The following PPP2R2C variants were observed in gnomAD, a reference collection of about 807,000 sequenced individuals.
PPP2R2C encodes the protein protein phosphatase 2 regulatory subunit Bgamma.
PPP2R2C carries 10 observed loss-of-function variants against 45.3 expected under a neutral mutation model. That is an observed-to-expected ratio of 0.22 (90% CI 0.14 to 0.37). The LOEUF is 0.37. Ranked by LOEUF, PPP2R2C falls within the 10% of genes least tolerant of loss-of-function variation. The pLI, the probability that PPP2R2C is intolerant of heterozygous loss-of-function variation, is 1.00. For missense variants in PPP2R2C, 308 were observed against 619.7 expected, an observed-to-expected ratio of 0.50 and a Z score of 5.34; for synonymous variants, 257 against 245.4, an observed-to-expected ratio of 1.05 and a Z score of -0.44.
intron 1 of PPP2R2C, among the ~76,000 whole-genome samples, chr4:6,399,398 C>A (rs1717265602): frequency 6.6e-6 from 1 of 152,240 alleles, no homozygotes; most frequent in Admixed American, 6.5e-5. Flanking sequence ...ACCACCCAAG[C>A]AATCGCATTA....
Position 6,378,352 on chromosome 4 carries a change from T to C in PPP2R2C, c.334+55A>G. ...TATAAGTGAAATACAAACCAGCATT[T>C]GGTAGAAACATCTACGGCCTGTGCC... On this transcript the variant is annotated intron_variant, in intron 3 of 8. Transcript: ENST00000382599. The surrounding 1 kb of genome is among the most constrained non-coding windows in gnomAD (Gnocchi z 5.2). 6.2e-7 allele frequency: 1 copy of C among 1,609,820 alleles called. No individual in the cohort carries two copies. Among genetic ancestry groups the C allele is most frequent in the Non-Finnish European group, 8.5e-7 (1 of 1,178,658 alleles).
At chr4:6,411,016 G>A (rs569102377) in intron 1 of PPP2R2C, among the ~76,000 whole-genome samples, 11 of 151,898 alleles carry the variant, frequency 7.2e-5, no homozygotes, top group Admixed American at 2.6e-4. Flanking sequence ...GACTACAGGC[G>A]CATGCCACCA....
chr4:6,500,455 G>A (rs1723014583), intron 2 of PPP2R2C, among the ~76,000 whole-genome samples: 1 of 152,158 alleles, frequency 6.6e-6, no homozygotes, highest in African/African-American at 2.4e-5. Context: ...GCCAGCAGAA[G>A]GTATTCTAGA....
At chr4:6,425,736 C>T (rs545025009) in intron 1 of PPP2R2C, among the ~76,000 whole-genome samples, 10 of 152,258 alleles carry the variant, frequency 6.6e-5, no homozygotes, top group South Asian at 2.1e-4. Context: ...TGAATCCTCC[C>T]GGGTGCTAGA....
rs144569127 is a variant in PPP2R2C, at chr4:6,335,407, C to T, written c.791-1676G>A. 4.6e-3 allele frequency among the ~76,000 whole-genome samples: 704 copies of T among 152,012 alleles called. 6 individuals are homozygous for T. Among genetic ancestry groups the T allele is most frequent in the African/African-American group, 0.016 (648 of 41,458 alleles). The stretch of plus-strand genomic sequence containing the variant: ...AGAGGGGTGTGCTGGGCAGAAGGGA[C>T]GGCACACGCAAGGGCCCTGAGGCAG... On this transcript the variant is annotated intron_variant, in intron 6 of 8. Transcript: ENST00000382599.
At chr4:6,465,320 T>C (rs571278684) in intron 1 of PPP2R2C, among the ~76,000 whole-genome samples, 1 of 152,244 alleles carries the variant, frequency 6.6e-6, no homozygotes, top group African/African-American at 2.4e-5. Context: ...CAGAGGCCCA[T>C]GGACCCAATG....
At chr4:6,545,994 A>G (rs536199968) in intron 1 of PPP2R2C, among the ~76,000 whole-genome samples, 36 of 152,304 alleles carry the variant, frequency 2.4e-4, no homozygotes, top group Non-Finnish European at 4.7e-4. Context: ...GGCAGTTTCC[A>G]GAGAAGCATG....
At chr4:6,461,133 C>A (rs1266003549) in intron 1 of PPP2R2C, among the ~76,000 whole-genome samples, 1 of 152,202 alleles carries the variant, frequency 6.6e-6, no homozygotes, top group African/African-American at 2.4e-5. Flanking sequence ...TCAGACATCG[C>A]CTCTCCCAGG....
intron 1 of PPP2R2C, among the ~76,000 whole-genome samples, chr4:6,441,135 G>T (rs1050974740): frequency 1.1e-4 from 16 of 152,090 alleles, no homozygotes; most frequent in Non-Finnish European, 1.8e-4. Context: ...ACAGGAAAAG[G>T]GGGTTCCAGC....
At chr4:6,383,423 C>A in intron 1 of PPP2R2C, 1 of 1,289,856 alleles carries the variant, frequency 7.8e-7, no homozygotes, top group Non-Finnish European at 1.0e-6. Context: ...CCAGCCTCAT[C>A]TACTGCTCTC....
chr4:6,364,244 G>A lies in PPP2R2C; in HGVS notation c.625+8279C>T, dbSNP rs963445218. On this transcript the variant is annotated intron_variant, in intron 5 of 8. Coordinates refer to ENST00000382599, the MANE Select transcript of PPP2R2C (RefSeq NM_020416.4). This position sits in a 1 kb window ranked among gnomAD's most constrained non-coding sequence, Gnocchi z 5.3. Reference sequence around the variant, plus strand: ...TGGATGAGGATGGAGAAACTTCACAGGCGGAGGGAACAGCCAGTGCAAAAT... The same window carrying A: ...TGGATGAGGATGGAGAAACTTCACAAGCGGAGGGAACAGCCAGTGCAAAAT... Among the ~76,000 whole-genome samples, 1 of 152,218 alleles carries A rather than the reference G, an allele frequency of 6.6e-6. No homozygotes were observed. Among genetic ancestry groups the A allele is most frequent in the Non-Finnish European group, 1.5e-5 (1 of 68,044 alleles).
In PPP2R2C at chr4:6,384,762, G is replaced by A. The variant is rs531327880; in HGVS notation, c.71-3668C>T. On this transcript the variant is annotated intron_variant, in intron 1 of 8. Transcript: ENST00000382599. The stretch of plus-strand genomic sequence containing the variant: ...TATCTGCTACCTCCTTTAACCTCAC[G>A]CCAGCCCCTGCGGGAGACACTACTG... The A allele has an allele frequency of 6.2e-5, 61 of 985,408 alleles. No homozygotes were observed. The Middle Eastern group carries it at 2.1e-3, about 34-fold the overall frequency. 61.0% of individuals were successfully genotyped at this position (985,408 alleles called of 1,614,324 possible). A position where few individuals can be genotyped will look rare whatever the true frequency, so the allele number is the denominator to read the frequency against.
intron 2 of PPP2R2C, among the ~76,000 whole-genome samples, chr4:6,484,213 G>C (rs1020082260): frequency 6.6e-6 from 1 of 151,872 alleles, no homozygotes; most frequent in Non-Finnish European, 1.5e-5. Context: ...ATATACAATT[G>C]TTTTAGCACC....
intron 1 of PPP2R2C, chr4:6,384,443 A>G (rs575821589): frequency 1.0e-6 from 1 of 984,460 alleles, no homozygotes; most frequent in East Asian, 1.1e-4. Context: ...TCCTCTTTCA[A>G]CTTGTCCATA....
rs1340250370 is a variant in PPP2R2C at position 6,323,413 on chromosome 4, G to A, written c.1233C>T (p.Phe411=). ...RDDISVDSLD[F]TKKILHTAWH... ...AGGCCGTGTGCAGGATCTTCTTGGT[G>A]AAGTCCAAGCTGTCCACACTGATGT... Residue 411 remains phenylalanine (F), a synonymous_variant, in exon 9 of 9, where the codon TTC becomes TTT. Transcript: ENST00000382599. 3.7e-6 allele frequency: 6 copies of A among 1,614,106 alleles called. No individual in the cohort carries two copies. The highest frequency in any genetic ancestry group is 5.1e-6 in the Non-Finnish European group (6 of 1,179,950).
At chr4:6,522,410 C>CA (rs765887792) in intron 2 of PPP2R2C, among the ~76,000 whole-genome samples, 51 of 152,356 alleles carry the variant, frequency 3.3e-4, no homozygotes, top group Non-Finnish European at 5.1e-4. Context: ...TGTGCCCCCC[C>CA]AGACCCCACA....
At chr4:6,441,299 C>G (rs1226162608) in intron 1 of PPP2R2C, among the ~76,000 whole-genome samples, 1 of 152,140 alleles carries the variant, frequency 6.6e-6, no homozygotes, top group African/African-American at 2.4e-5. Flanking sequence ...CCCTCCACAC[C>G]GACACCACAG....
rs1288829699 is a variant in PPP2R2C, at chr4:6,333,551, G to T, written c.960+11C>A. The T allele has an allele frequency of 5.0e-6, 8 of 1,611,570 alleles. No homozygotes were observed. In the South Asian group the frequency reaches 8.8e-5, roughly 18 times the overall value. On this transcript the variant is annotated intron_variant, in intron 7 of 8. Transcript: ENST00000382599. ...GACCCGGGATTGGGGGTCTCCTGCTGTGGTGCCCACCTGGTAGGTCTCTAT... is the reference window on the plus strand; with the variant it reads ...GACCCGGGATTGGGGGTCTCCTGCTTTGGTGCCCACCTGGTAGGTCTCTAT...
chr4:6,337,110 GTGTATATATATATATATATA>G (rs1335326676), intron 6 of PPP2R2C, among the ~76,000 whole-genome samples: 1,409 of 41,508 alleles, frequency 0.034, 113 homozygotes, highest in African/African-American at 0.085. Flanking sequence ...GTATGTGTGT[GTGTATATATATATATATATA>G]TATATATATA....
Sources: gnomAD v4.1 joint callset for allele counts (sites outside exome capture counted in the v4.1 genomes callset) on GRCh38, gnomAD v4.1.1 for gene constraint, Gnocchi (gnomAD v3.1) non-coding constraint, MANE v1.5 for transcripts, NCBI Gene and HGNC (gene_info 2026-07-23, HGNC 2026-07-21) for gene names.